NCOR2: variants seen among roughly 807,000 people sequenced by gnomAD.
The protein encoded by NCOR2 is CTG repeat protein 26.
NCOR2 carries 81 observed loss-of-function variants against 262.9 expected under a neutral mutation model. That is an observed-to-expected ratio of 0.31 (90% confidence interval 0.26 to 0.37). NCOR2 has a LOEUF of 0.37. Among genes scored for constraint, NCOR2 ranks in the 10% least tolerant of loss-of-function variants. NCOR2 has a pLI of 1.00. For synonymous variants in NCOR2, 1,659 were observed against 1,559.3 expected, an observed-to-expected ratio of 1.06 and a Z score of -1.51; for missense variants, 3,385 against 3,621.4, an observed-to-expected ratio of 0.93 and a Z score of 1.68.
intron 7 of NCOR2, among the ~76,000 whole-genome samples, chr12:124,448,109 C>T (rs1033439839): frequency 4.6e-5 from 7 of 152,182 alleles, no homozygotes; most frequent in East Asian, 1.9e-4. Flanking sequence ...AGGCCTAGAA[C>T]GGGACCTGAC....
intron 1 of NCOR2, among the ~76,000 whole-genome samples, chr12:124,547,984 T>C (rs2051593135): frequency 6.6e-6 from 1 of 152,196 alleles, no homozygotes; most frequent in South Asian, 2.1e-4. Flanking sequence ...GAATGAGATA[T>C]AATTCTAAAA....
At chr12:124,411,245 T>C (rs913902450) in intron 13 of NCOR2, among the ~76,000 whole-genome samples, 1 of 149,286 alleles carries the variant, frequency 6.7e-6, no homozygotes, top group African/African-American at 2.5e-5. Context: ...GAAACAGACG[T>C]AGCCACCCGT....
Position 124,335,611 on chromosome 12 carries a change from C to G in NCOR2, c.6137G>C (p.Ser2046Thr). Residue 2046 changes from serine (S) to threonine (T), a missense_variant, in exon 39 of 47, where the codon AGC becomes ACC. This residue lies in a region of NCOR2 where 1,017 missense variants were observed against 967.2 expected (regional missense o/e 1.05). Transcript: ENST00000405201. ...GCTGACGGGCTCCACCCCTTCGGGG[C>G]TGTAGCTGCTGCCGTGGTAACCTAG... 1.2e-6 allele frequency: 2 copies of G among 1,604,204 alleles called. No homozygotes were observed. The highest frequency in any genetic ancestry group is 1.7e-6 in the Non-Finnish European group (2 of 1,178,340).
chr12:124,332,352 G>A (rs770227130), exon 43 of NCOR2: 4 of 1,614,222 alleles, frequency 2.5e-6, no homozygotes, highest in South Asian at 1.1e-5. Context: ...TGGGTGTTCA[G>A]CTTCTTGTTG....
At chr12:124,354,729 T>C in intron 25 of NCOR2, 108 bp downstream of exon 27, 1 of 1,304,984 alleles carries the variant, frequency 7.7e-7, no homozygotes, top group Admixed American at 2.5e-5. Flanking sequence ...ACCTCCCAGC[T>C]GCTACCTGGA....
chr12:124,355,483 G>C, exon 24 of NCOR2: 1 of 1,612,004 alleles, frequency 6.2e-7, no homozygotes, highest in East Asian at 2.2e-5. Flanking sequence ...GCTTGGCAGA[G>C]GAGATGAGGG....
chr12:124,413,940 TCCCA>T (rs138216884), intron 13 of NCOR2, among the ~76,000 whole-genome samples: 4 of 133,432 alleles, frequency 3.0e-5, no homozygotes, highest in South Asian at 5.2e-4. Flanking sequence ...ACCCCAGGAC[TCCCA>T]CCCACCCCAT....
At chr12:124,365,920 C>T (rs567032774) in intron 20 of NCOR2, among the ~76,000 whole-genome samples, 3 of 152,280 alleles carry the variant, frequency 2.0e-5, no homozygotes, top group Admixed American at 1.3e-4. Flanking sequence ...TCTCCACCTG[C>T]GGCTTCAACT....
chr12:124,503,643 GATGGATGGATGGATGGATGGACGGGTGA>G lies in NCOR2; in HGVS notation c.-117-8303_-117-8276del, dbSNP rs1383023797. Among the ~76,000 whole-genome samples, 2 of 148,156 alleles carry G rather than the reference GATGGATGGATGGATGGATGGACGGGTGA, an allele frequency of 1.3e-5. No homozygotes were observed. The highest frequency in any genetic ancestry group is 2.0e-4 in the East Asian group (1 of 5,052). ...GGATGGATGGATGGATGGGCGAATG[GATGGATGGATGGATGGATGGACGGGTGA>G]ATGGATGGATGGATGGATGGATGGA... On this transcript the variant is annotated intron_variant, in intron 1 of 46. Coordinates refer to the NCOR2 transcript ENST00000404621. The surrounding 1 kb of genome is among the most constrained non-coding windows in gnomAD (Gnocchi z 4.3).
At chr12:124,490,651 T>C (rs1358328231) in intron 1 of NCOR2, among the ~76,000 whole-genome samples, 2 of 152,156 alleles carry the variant, frequency 1.3e-5, no homozygotes, top group Admixed American at 6.5e-5. Context: ...CTCAGGACAC[T>C]GCAAAGCCTC....
Position 124,531,840 on chromosome 12 carries a change from G to A in NCOR2, c.-118+3725C>T, listed in dbSNP as rs529735025. Among the ~76,000 whole-genome samples the A allele has an allele frequency of 1.8e-4, 8 of 44,134 alleles. No homozygotes were observed. Among genetic ancestry groups the A allele is most frequent in the Admixed American group, 6.1e-4 (2 of 3,292 alleles). The allele number at this position is 44,134 out of a possible 152,430, so 29.0% of individuals were successfully genotyped here. On this transcript the variant is annotated intron_variant, in intron 1 of 46. Coordinates refer to the NCOR2 transcript ENST00000404621. The surrounding 1 kb of genome is among the most constrained non-coding windows in gnomAD (Gnocchi z 4.5). ...CGAGACCCCAGCCCCCACCCACACC[G>A]GACCCCTCACCCCAATGTATAGACA...
At chr12:124,511,593 G>A (rs996863327) in intron 1 of NCOR2, among the ~76,000 whole-genome samples, 4 of 152,226 alleles carry the variant, frequency 2.6e-5, no homozygotes, top group African/African-American at 9.6e-5. Context: ...TAGCAGGGCT[G>A]TCTGAGGGGA....
chr12:124,368,994 T>C (rs1313531415), intron 20 of NCOR2, among the ~76,000 whole-genome samples: 2 of 152,258 alleles, frequency 1.3e-5, no homozygotes, highest in African/African-American at 4.8e-5. Flanking sequence ...AGCCCCCTCT[T>C]GGGGTGACCT....
At chr12:124,537,580 G>A (rs11614747), upstream of NCOR2, among the ~76,000 whole-genome samples, 13,179 of 152,282 alleles carry the variant, frequency 0.087, 677 homozygotes, top group African/African-American at 0.13. Flanking sequence ...TAAAAATGCT[G>A]ACCCCACAGG....
intron 7 of NCOR2, among the ~76,000 whole-genome samples, chr12:124,448,486 C>T (rs1198765196): frequency 6.6e-6 from 1 of 152,216 alleles, no homozygotes; most frequent in Non-Finnish European, 1.5e-5. Context: ...AGAACACATG[C>T]CCCTTCCTGA....
At chr12:124,510,796 G>A (rs1423993288) in intron 1 of NCOR2, among the ~76,000 whole-genome samples, 3 of 152,148 alleles carry the variant, frequency 2.0e-5, no homozygotes, top group Admixed American at 1.3e-4. Flanking sequence ...CAGGCTGTGG[G>A]CATCTCCATG....
intron 8 of NCOR2, among the ~76,000 whole-genome samples, chr12:124,436,642 G>A (rs919373233): frequency 6.6e-6 from 1 of 152,218 alleles, no homozygotes; most frequent in Non-Finnish European, 1.5e-5. Context: ...CCCGGCATCA[G>A]CCACTGGTTC....
chr12:124,370,636 C>G (rs2039423987), intron 20 of NCOR2, among the ~76,000 whole-genome samples: 2 of 152,236 alleles, frequency 1.3e-5, no homozygotes, highest in South Asian at 4.1e-4. Flanking sequence ...CTGCCCTCTG[C>G]CAACCGAGAT....
intron 3 of NCOR2, among the ~76,000 whole-genome samples, chr12:124,474,887 C>G (rs2033528453): frequency 6.6e-6 from 1 of 152,064 alleles, no homozygotes; most frequent in South Asian, 2.1e-4. Context: ...CACCTCCCCG[C>G]CCCCGCAGCA....
Sources: gnomAD v4.1 joint callset for allele counts (sites outside exome capture counted in the v4.1 genomes callset) on GRCh38, gnomAD v4.1.1 for gene constraint, gnomAD v4.1.1 regional missense constraint, Gnocchi (gnomAD v3.1) non-coding constraint, MANE v1.5 for transcripts, NCBI Gene and HGNC (gene_info 2026-07-23, HGNC 2026-07-21) for gene names.